TLE1: variants seen among roughly 807,000 people sequenced by gnomAD.
TLE1 encodes TLE family member 1, transcriptional corepressor, also known as transducin-like enhancer protein 1.
In TLE1, 21 loss-of-function variants were observed where a neutral mutation model predicts 89.8. The ratio of observed to expected loss-of-function variants is 0.23; its 90% CI spans 0.17 to 0.34. TLE1 has a LOEUF of 0.34. Ranked by LOEUF, TLE1 falls within the 10% of genes least tolerant of loss-of-function variation. The probability of loss-of-function intolerance (pLI) is 1.00; values close to 1 mark genes in which losing one functional copy is unlikely to be tolerated. For missense variants in TLE1, 795 were observed against 1,031.2 expected, an observed-to-expected ratio of 0.77 and a Z score of 3.14; for synonymous variants, 447 against 407.6, an observed-to-expected ratio of 1.10 and a Z score of -1.16.
At chr9:81,634,464 G>C (rs951291374) in intron 6 of TLE1, among the ~76,000 whole-genome samples, 163 bp from the exon 7 acceptor site, 2 of 146,316 alleles carry the variant, frequency 1.4e-5, no homozygotes, top group South Asian at 4.2e-4. Context: ...CCAAGAAAGA[G>C]AGGGAGGAAA....
At chr9:81,665,048 A>C (rs899708792) in intron 4 of TLE1, among the ~76,000 whole-genome samples, 30 of 152,218 alleles carry the variant, frequency 2.0e-4, no homozygotes, top group African/African-American at 6.8e-4. Context: ...ACAGACTAAA[A>C]TAACTTGCCT....
intron 2 of TLE1, among the ~76,000 whole-genome samples, chr9:81,686,187 C>T (rs1485631289): frequency 1.3e-5 from 2 of 152,180 alleles, no homozygotes; most frequent in East Asian, 1.9e-4. Context: ...GTCATCTGCT[C>T]CCTACCTTCC....
At chr9:81,633,221 TGA>T (rs1347934944) in intron 8 of TLE1, 125 bp downstream of exon 8, 116 of 1,459,682 alleles carry the variant, frequency 7.9e-5, no homozygotes, top group Non-Finnish European at 4.9e-5. Flanking sequence ...GCCAGGTCAC[TGA>T]GAGAGACAGG....
intron 6 of TLE1, among the ~76,000 whole-genome samples, chr9:81,637,398 C>T (rs934055172): frequency 3.9e-5 from 6 of 152,262 alleles, no homozygotes; most frequent in Admixed American, 1.3e-4. Flanking sequence ...ATTCTGATAT[C>T]TTACTGTGAA....
chr9:81,688,024 A>T (rs1466101755), intron 1 of TLE1, among the ~76,000 whole-genome samples, 193 bp downstream of exon 1: 1 of 152,014 alleles, frequency 6.6e-6, no homozygotes, highest in Non-Finnish European at 1.5e-5. Context: ...GAAGGAGCCC[A>T]AAGGGAGGGA....
intron 4 of TLE1, among the ~76,000 whole-genome samples, chr9:81,682,384 A>C (rs1458698036): frequency 6.6e-6 from 1 of 152,178 alleles, no homozygotes; most frequent in Admixed American, 6.5e-5. Flanking sequence ...TAGGCAGAGC[A>C]AAACACCTAC....
chr9:81,593,356 A>T (rs1440717797), intron 14 of TLE1, 82 bp from the exon 15 acceptor site: 7 of 1,430,066 alleles, frequency 4.9e-6, no homozygotes, highest in Non-Finnish European at 6.5e-6. Flanking sequence ...TGCTACGACT[A>T]TGAAAAAGAT....
At position 81,687,494 on chromosome 9, in the gene TLE1, T is replaced by C. The variant is rs904700811; in HGVS notation, c.25-60A>G. The C allele has an allele frequency of 5.2e-6, 7 of 1,336,370 alleles. No individual in the cohort carries two copies. The African/African-American group carries it at 7.2e-5, about 14-fold the overall frequency. 82.8% of individuals were successfully genotyped at this position (1,336,370 alleles called of 1,614,324 possible). On this transcript the variant is annotated intron_variant, in intron 1 of 19. Transcript: ENST00000376499. ...GAATGCGGGCGGATGAATAAAGCAG[T>C]AAGTCAGAGAAGGCAAGAACGGGTG...
chr9:81,632,051 C>T (rs1490839777), intron 8 of TLE1, among the ~76,000 whole-genome samples: 1 of 152,066 alleles, frequency 6.6e-6, no homozygotes, highest in Non-Finnish European at 1.5e-5. Context: ...GATAGTGCTA[C>T]TGCACCCCAG....
intron 8 of TLE1, 73 bp from the exon 9 acceptor site, chr9:81,620,630 G>A (rs1825115159): frequency 3.2e-6 from 5 of 1,554,972 alleles, no homozygotes; most frequent in Non-Finnish European, 4.3e-6. Context: ...ACCTCGATGT[G>A]AGAACTATTT....
At chr9:81,681,042 T>C (rs1390328799) in intron 4 of TLE1, among the ~76,000 whole-genome samples, 1 of 152,212 alleles carries the variant, frequency 6.6e-6, no homozygotes, top group Non-Finnish European at 1.5e-5. Flanking sequence ...AAATACTTTT[T>C]TAAAAACCCA....
chr9:81,642,546 T>C (rs1828262729), intron 6 of TLE1, among the ~76,000 whole-genome samples: 1 of 147,242 alleles, frequency 6.8e-6, no homozygotes, highest in African/African-American at 2.5e-5. Flanking sequence ...AAAAAAAAAT[T>C]AGCCAGGCAT....
chr9:81,683,370 C>G (rs1324524693), intron 4 of TLE1, among the ~76,000 whole-genome samples: 2 of 152,040 alleles, frequency 1.3e-5, no homozygotes, highest in African/African-American at 4.8e-5. Flanking sequence ...CAGTTTCCCC[C>G]TAGAGAGAAT....
intron 6 of TLE1, among the ~76,000 whole-genome samples, chr9:81,651,564 A>G (rs537616554): frequency 1.3e-5 from 2 of 152,178 alleles, no homozygotes; most frequent in Non-Finnish European, 2.9e-5. Flanking sequence ...TGTGTGACTT[A>G]AAAATTCATG....
chr9:81,666,199 G>A (rs1831442572), intron 4 of TLE1, among the ~76,000 whole-genome samples: 2 of 152,136 alleles, frequency 1.3e-5, no homozygotes, highest in Non-Finnish European at 2.9e-5. Flanking sequence ...AAAGGAAAAT[G>A]CACTCTGTGG....
chr9:81,681,328 A>G (rs776834439), intron 4 of TLE1, among the ~76,000 whole-genome samples: 4 of 152,078 alleles, frequency 2.6e-5, no homozygotes, highest in African/African-American at 9.7e-5. Context: ...GGCGGGGGGA[A>G]TCACTTGAGG....
chr9:81,637,908 C>A (rs1471355265), intron 6 of TLE1, among the ~76,000 whole-genome samples: 1 of 152,120 alleles, frequency 6.6e-6, no homozygotes, highest in Non-Finnish European at 1.5e-5. Flanking sequence ...TGGCTCAAAG[C>A]CAAGAGGCTT....
intron 10 of TLE1, 95 bp downstream of exon 10, chr9:81,616,551 C>T: frequency 7.3e-7 from 1 of 1,366,270 alleles, no homozygotes; most frequent in Non-Finnish European, 1.0e-6. Flanking sequence ...GGTCCCCCCA[C>T]CGAGGGGCTC....
At chr9:81,629,925 T>C (rs996605422) in intron 8 of TLE1, among the ~76,000 whole-genome samples, 1 of 152,178 alleles carries the variant, frequency 6.6e-6, no homozygotes, top group Non-Finnish European at 1.5e-5. Flanking sequence ...TTAAAACAGA[T>C]TGCTTATTTA....
Sources: allele counts gnomAD v4.1 joint callset (sites outside exome capture counted in the v4.1 genomes callset), GRCh38; gene constraint gnomAD v4.1.1; transcripts MANE v1.5; gene names NCBI Gene and HGNC (gene_info 2026-07-23, HGNC 2026-07-21).